The following CSMD1 variants were observed in gnomAD, a reference collection of about 807,000 sequenced individuals.
The protein encoded by CSMD1 is CUB and sushi domain-containing protein 1.
A neutral mutation model predicts 417.5 loss-of-function variants in CSMD1; 213 were observed. That is an observed-to-expected ratio of 0.51 (90% CI 0.46 to 0.57). The LOEUF is 0.57. Ranked by LOEUF, CSMD1 falls within the 20% of genes least tolerant of loss-of-function variation. The probability of loss-of-function intolerance (pLI) is 0.00; values close to 1 mark genes in which losing one functional copy is unlikely to be tolerated. For synonymous variants in CSMD1, 2,862 were observed against 1,736.8 expected (o/e 1.65, Z -16.11); for missense variants, 6,923 against 4,529.7 (o/e 1.53, Z -15.17).
At chr8:4,200,031 G>C (rs1457807402) in intron 3 of CSMD1, among the ~76,000 whole-genome samples, 2 of 152,250 alleles carry the variant, frequency 1.3e-5, no homozygotes, top group South Asian at 2.1e-4. Flanking sequence ...TTATGTTGAG[G>C]TGCCATAAAA....
At chr8:4,041,549 T>G (rs1443678744) in intron 3 of CSMD1, among the ~76,000 whole-genome samples, 2 of 152,192 alleles carry the variant, frequency 1.3e-5, no homozygotes, top group South Asian at 4.1e-4. Flanking sequence ...AATACAAAAA[T>G]ATTCAGCACC....
At chr8:3,884,713 G>C (rs975350578) in intron 5 of CSMD1, among the ~76,000 whole-genome samples, 3 of 152,012 alleles carry the variant, frequency 2.0e-5, no homozygotes, top group Non-Finnish European at 4.4e-5. Flanking sequence ...CTGAGAAAAT[G>C]TCCATGATTG....
chr8:4,548,612 G>A (rs1221558065), intron 2 of CSMD1, among the ~76,000 whole-genome samples: 1 of 152,120 alleles, frequency 6.6e-6, no homozygotes, highest in Non-Finnish European at 1.5e-5. Context: ...AGTAATAGAT[G>A]CAAATGGCTT....
chr8:4,384,889 A>T (rs1378311290), intron 3 of CSMD1, among the ~76,000 whole-genome samples: 2 of 152,140 alleles, frequency 1.3e-5, no homozygotes, highest in East Asian at 3.9e-4. Context: ...ATTTCTGGTG[A>T]CTATCAACAG....
chr8:4,486,136 TAC>T (rs1171832461), intron 2 of CSMD1, among the ~76,000 whole-genome samples: 851 of 31,496 alleles, frequency 0.027, 29 homozygotes, highest in African/African-American at 0.089. Context: ...TATATATATA[TAC>T]ATACATATAT....
intron 2 of CSMD1, among the ~76,000 whole-genome samples, chr8:4,468,678 G>A (rs539906126): frequency 6.6e-6 from 1 of 152,094 alleles, no homozygotes; most frequent in Non-Finnish European, 1.5e-5. Context: ...CCCCTGGACT[G>A]TATGTATCAT....
At chr8:4,447,948 T>A (rs1798910997) in intron 2 of CSMD1, among the ~76,000 whole-genome samples, 1 of 152,328 alleles carries the variant, frequency 6.6e-6, no homozygotes, top group Non-Finnish European at 1.5e-5. Context: ...CCATATTTTT[T>A]AAAAGACAAT....
intron 1 of CSMD1, among the ~76,000 whole-genome samples, chr8:4,935,056 A>G (rs1807515622): frequency 6.6e-6 from 1 of 152,218 alleles, no homozygotes; most frequent in Non-Finnish European, 1.5e-5. Context: ...ACTTATGCAG[A>G]TAAACTTAAA....
intron 42 of CSMD1, chr8:3,112,811 A>T (rs1816600909): frequency 6.6e-6 from 1 of 152,238 alleles, no homozygotes; most frequent in Non-Finnish European, 1.5e-5. Context: ...ATAAGATAAC[A>T]ATATTCTATC....
At chr8:4,456,568 G>C (rs1799500966) in intron 2 of CSMD1, among the ~76,000 whole-genome samples, 1 of 152,142 alleles carries the variant, frequency 6.6e-6, no homozygotes, top group Non-Finnish European at 1.5e-5. Flanking sequence ...ACTGAAAACA[G>C]CCCTGTCTTC....
chr8:4,969,600 T>A (rs11988448), intron 1 of CSMD1, among the ~76,000 whole-genome samples: 78,021 of 151,416 alleles, frequency 0.52, 20,678 homozygotes, highest in Middle Eastern at 0.63. Flanking sequence ...AAAAGCCAGG[T>A]TTTATTCAAA....
rs189007157 is a variant in CSMD1 at position 3,881,588 on chromosome 8, G to A, written c.818+116315C>T. Among the ~76,000 whole-genome samples, 289 of 129,568 alleles carry A rather than the reference G, an allele frequency of 2.2e-3. 1 individual carries two copies. Among genetic ancestry groups the A allele is most frequent in the Non-Finnish European group, 3.7e-3 (238 of 63,742 alleles). The allele number at this position is 129,568 out of a possible 152,430, so 85.0% of individuals were successfully genotyped here. On this transcript the variant is annotated intron_variant, in intron 5 of 69. Transcript: ENST00000635120. ...CCATTGCAGTCCAGCCTGCCTGGGT[G>A]ACAGAGCAAGACTCCATCTCAAAAA...
intron 3 of CSMD1, among the ~76,000 whole-genome samples, chr8:4,095,795 G>A (rs1408064303): frequency 6.6e-6 from 1 of 152,170 alleles, no homozygotes; most frequent in African/African-American, 2.4e-5. Flanking sequence ...TTTTATATAT[G>A]TATTTGTATG....
At position 4,320,170 on chromosome 8, in the gene CSMD1, A is replaced by G. The variant is rs1190904262; in HGVS notation, c.415+99783T>C. ...ACAAAACTTTATTTAGAGAAATGCA[A>G]AAATATCCAGCACTTAACAAGGTAA... On this transcript the variant is annotated intron_variant, in intron 3 of 69. Transcript: ENST00000635120. 2.0e-5 allele frequency among the ~76,000 whole-genome samples: 3 copies of G among 152,204 alleles called. 1 individual carries two copies. Among genetic ancestry groups the G allele is most frequent in the Non-Finnish European group, 4.4e-5 (3 of 68,040 alleles).
At chr8:4,629,745 G>A (rs188139144) in intron 2 of CSMD1, among the ~76,000 whole-genome samples, 1 of 152,228 alleles carries the variant, frequency 6.6e-6, no homozygotes, top group East Asian at 1.9e-4. Flanking sequence ...GCAAAGACTA[G>A]ATTTACTATT....
intron 1 of CSMD1, among the ~76,000 whole-genome samples, chr8:4,981,644 T>A (rs994573757): frequency 1.3e-5 from 2 of 152,202 alleles, no homozygotes; most frequent in Admixed American, 1.3e-4. Flanking sequence ...TGTGAGATGA[T>A]CTTTTTATAT....
intron 1 of CSMD1, among the ~76,000 whole-genome samples, chr8:4,906,752 G>T (rs542799160): frequency 6.6e-6 from 1 of 152,190 alleles, no homozygotes; most frequent in East Asian, 1.9e-4. Flanking sequence ...TAGAGACGGG[G>T]TTTCACCATG....
intron 1 of CSMD1, among the ~76,000 whole-genome samples, chr8:4,781,942 A>G (rs1051513972): frequency 2.5e-4 from 38 of 152,342 alleles, no homozygotes; most frequent in Non-Finnish European, 2.9e-4. Context: ...GCTCTTTGTA[A>G]AAAATATACA....
chr8:4,320,039 A>C (rs534596697), intron 3 of CSMD1, among the ~76,000 whole-genome samples: 2 of 152,224 alleles, frequency 1.3e-5, no homozygotes, highest in African/African-American at 4.8e-5. Context: ...ACAATGAAAA[A>C]AATGAGTAGT....
Sources: allele counts gnomAD v4.1 joint callset (sites outside exome capture counted in the v4.1 genomes callset), GRCh38; gene constraint gnomAD v4.1.1; transcripts MANE v1.5; gene names NCBI Gene and HGNC (gene_info 2026-07-23, HGNC 2026-07-21).